The following GPAT4 variants were observed in gnomAD, a reference collection of about 807,000 sequenced individuals.
GPAT4 encodes glycerol-3-phosphate acyltransferase 4, also known as 1-AGP acyltransferase 6.
In GPAT4, 17 loss-of-function variants were observed where a neutral mutation model predicts 58.0. The observed-to-expected ratio is 0.29, with a 90% CI of 0.20 to 0.44. GPAT4 has a LOEUF of 0.44. GPAT4 is among the 20% of genes least tolerant of loss of function. The probability of loss-of-function intolerance (pLI) is 1.00; values close to 1 mark genes in which losing one functional copy is unlikely to be tolerated. For missense variants in GPAT4, 377 were observed against 574.5 expected, an observed-to-expected ratio of 0.66 and a Z score of 3.51; for synonymous variants, 204 against 210.1, an observed-to-expected ratio of 0.97 and a Z score of 0.25.
rs1803853777 is a variant in GPAT4 at position 41,624,481 on chromosome 8, A to AT, written c.*3481dup. On this transcript the variant is annotated 3_prime_UTR_variant, in exon 13 of 13. Coordinates refer to ENST00000396987, the MANE Select transcript of GPAT4 (RefSeq NM_178819.4). Reference sequence around the variant, plus strand: ...ATTGCTTGCTAGTGTCCCCTGATGCATGAAGGATCCCCCCATGTCATAGGT... The same window carrying AT: ...ATTGCTTGCTAGTGTCCCCTGATGCATTGAAGGATCCCCCCATGTCATAGGT... The AT allele has an allele frequency of 6.6e-6, 1 of 152,164 alleles. No individual in the cohort carries two copies. Among genetic ancestry groups the AT allele is most frequent in the African/African-American group, 2.4e-5 (1 of 41,428 alleles). The allele number at this position is 152,164 out of a possible 1,614,324, so 9.4% of individuals were successfully genotyped here.
intron 2 of GPAT4, among the ~76,000 whole-genome samples, chr8:41,604,483 G>C (rs907814692): frequency 4.6e-5 from 7 of 152,196 alleles, no homozygotes; most frequent in African/African-American, 1.7e-4. Flanking sequence ...TGACTGGAAG[G>C]GTTTTAGTGT....
rs143823911 is a variant in GPAT4, at chr8:41,596,462, A to G, written c.-848-1830A>G. Among the ~76,000 whole-genome samples the G allele has an allele frequency of 2.1e-3, 323 of 152,286 alleles. 1 individual carries two copies. Among genetic ancestry groups the G allele is most frequent in the Admixed American group, 0.011 (167 of 15,300 alleles). ...CTGTGGGTGATCAGGCCACGCTTCCACTCAAATGGAGTGGGCAAGTTCCAA... is the reference window on the plus strand; with the variant it reads ...CTGTGGGTGATCAGGCCACGCTTCCGCTCAAATGGAGTGGGCAAGTTCCAA... On this transcript the variant is annotated intron_variant, in intron 1 of 12. Transcript: ENST00000396987.
chr8:41,610,221 G>A (rs1803401823), intron 4 of GPAT4: 1 of 1,331,076 alleles, frequency 7.5e-7, no homozygotes. Context: ...AGGGAACATT[G>A]TGTGCTTTCT....
intron 8 of GPAT4, among the ~76,000 whole-genome samples, chr8:41,613,167 T>A (rs1803492524): frequency 6.6e-6 from 1 of 151,790 alleles, no homozygotes. Flanking sequence ...GAGGCCGAGG[T>A]GGGCGGATCA....
chr8:41,597,748 A>T (rs1315386754), intron 1 of GPAT4, among the ~76,000 whole-genome samples: 1 of 152,232 alleles, frequency 6.6e-6, no homozygotes, highest in Non-Finnish European at 1.5e-5. Flanking sequence ...AAGGAGCTCT[A>T]TGTGTATTGA....
At chr8:41,599,806 G>C (rs1036585071) in intron 2 of GPAT4, among the ~76,000 whole-genome samples, 15 of 152,310 alleles carry the variant, frequency 9.8e-5, no homozygotes, top group Middle Eastern at 6.8e-3. Context: ...TTACCTGACT[G>C]TTGAATTATA....
In GPAT4 at chr8:41,622,292, A is replaced by AGGGGAGGGCTGCAGAGGGGC. The variant is rs1803777685; in HGVS notation, c.*1292_*1311dup. On this transcript the variant is annotated 3_prime_UTR_variant, in exon 13 of 13. Transcript: ENST00000396987. ...ATGGTGGCTTCTGCAGGGGAGGGAC[A>AGGGGAGGGCTGCAGAGGGGC]GGGGAGGGCTGCAGAGGGGCAGGGT... 2 of 79,140 alleles carry AGGGGAGGGCTGCAGAGGGGC rather than the reference A, an allele frequency of 2.5e-5. No individual in the cohort carries two copies. The highest frequency in any genetic ancestry group is 5.1e-5 in the Non-Finnish European group (2 of 39,436). 4.9% of individuals were successfully genotyped at this position (79,140 alleles called of 1,614,324 possible).
intron 1 of GPAT4, among the ~76,000 whole-genome samples, chr8:41,587,340 T>C (rs1244738119): frequency 1.3e-5 from 2 of 152,244 alleles, no homozygotes; most frequent in African/African-American, 4.8e-5. Flanking sequence ...ACCTCATTAG[T>C]ATAATGTCAT....
At chr8:41,594,749 G>A (rs1585655891) in intron 1 of GPAT4, among the ~76,000 whole-genome samples, 1 of 151,956 alleles carries the variant, frequency 6.6e-6, no homozygotes, top group African/African-American at 2.4e-5. Flanking sequence ...GTTTCACCGT[G>A]TTAGCCAGGA....
chr8:41,615,184 T>C lies in GPAT4; in HGVS notation c.1053+136T>C, dbSNP rs1803559078. On this transcript the variant is annotated intron_variant, in intron 10 of 12. Transcript: ENST00000396987. The stretch of plus-strand genomic sequence containing the variant: ...TCAGCAGAGTGGCGTGGGGCTGGGT[T>C]GACGTGGGTCAAGTGCTGCCGGAGG... The C allele has an allele frequency of 4.1e-6, 3 of 737,224 alleles. No individual in the cohort carries two copies. The Admixed American group carries it at 8.0e-5, about 20-fold the overall frequency. 45.7% of individuals were successfully genotyped at this position (737,224 alleles called of 1,614,324 possible). A position where few individuals can be genotyped will look rare whatever the true frequency, so the allele number is the denominator to read the frequency against.
chr8:41,613,056 A>G (rs1287183436), intron 8 of GPAT4, 96 bp downstream of exon 8: 30 of 988,534 alleles, frequency 3.0e-5, no homozygotes, highest in Non-Finnish European at 4.5e-5. Flanking sequence ...CGTGCCTTCT[A>G]TCATAAGCCT....
intron 2 of GPAT4, among the ~76,000 whole-genome samples, chr8:41,606,293 T>C (rs995022685): frequency 6.6e-6 from 1 of 152,202 alleles, no homozygotes; most frequent in Admixed American, 6.5e-5. Context: ...TTGTGGGATC[T>C]GATACCAACT....
intron 1 of GPAT4, among the ~76,000 whole-genome samples, chr8:41,595,933 G>C (rs372231881): frequency 3.9e-5 from 6 of 152,162 alleles, no homozygotes; most frequent in African/African-American, 1.4e-4. Flanking sequence ...GGGTGGGGGG[G>C]TGTGATCTAA....
intron 10 of GPAT4, chr8:41,618,472 G>A (rs972267751): frequency 1.6e-6 from 1 of 616,604 alleles, no homozygotes; most frequent in East Asian, 2.7e-5. Context: ...TTACTGATCT[G>A]TAGCAGAGGC....
chr8:41,610,600 T>G (rs1216226986), intron 4 of GPAT4, 136 bp from the exon 5 acceptor site: 1 of 1,534,846 alleles, frequency 6.5e-7, no homozygotes, highest in Non-Finnish European at 8.8e-7. Flanking sequence ...CATTTCTAGG[T>G]GAACTCTGGT....
At chr8:41,594,637 CCGG>C (rs1172058743) in intron 1 of GPAT4, among the ~76,000 whole-genome samples, 1 of 151,052 alleles carries the variant, frequency 6.6e-6, no homozygotes, top group Non-Finnish European at 1.5e-5. Flanking sequence ...GCTCCGCCTC[CCGG>C]GTTCACGCCA....
intron 10 of GPAT4, among the ~76,000 whole-genome samples, chr8:41,615,990 T>A (rs1803585273): frequency 6.6e-6 from 1 of 152,222 alleles, no homozygotes; most frequent in East Asian, 1.9e-4. Context: ...GAATATTGCC[T>A]GCAGGGGACT....
chr8:41,596,677 G>A (rs1371036047), intron 1 of GPAT4, among the ~76,000 whole-genome samples: 1 of 152,220 alleles, frequency 6.6e-6, no homozygotes, highest in African/African-American at 2.4e-5. Flanking sequence ...CCCCCGCAGG[G>A]ATGCTCCACA....
At position 41,598,926 on chromosome 8, in the gene GPAT4, G is replaced by A; in HGVS notation, c.-214G>A. The A allele has an allele frequency of 1.7e-6, 1 of 594,870 alleles. No individual in the cohort carries two copies. The allele number at this position is 594,870 out of a possible 1,614,324, so 36.8% of individuals were successfully genotyped here. ...GAGTCCATCCATTCTGGAGAGACCT[G>A]GCGTTTGCAGTTGCCTCCTGTGGCC... On this transcript the variant is annotated 5_prime_UTR_variant, in exon 2 of 13. Coordinates refer to ENST00000396987, the MANE Select transcript of GPAT4 (RefSeq NM_178819.4).
Sources: allele counts gnomAD v4.1 joint callset (sites outside exome capture counted in the v4.1 genomes callset), GRCh38; gene constraint gnomAD v4.1.1; transcripts MANE v1.5; gene names NCBI Gene and HGNC (gene_info 2026-07-23, HGNC 2026-07-21).